The following SV2C variants were observed in gnomAD, a reference collection of about 807,000 sequenced individuals.
SV2C encodes synaptic vesicle glycoprotein 2C.
A neutral mutation model predicts 79.7 loss-of-function variants in SV2C; 49 were observed. The observed-to-expected ratio is 0.61, with a 90% CI of 0.49 to 0.78. The LOEUF (loss-of-function observed/expected upper bound fraction) is 0.78. Ranked by LOEUF, SV2C falls within the 30% of genes least tolerant of loss-of-function variation. SV2C has a pLI of 0.00. For missense variants in SV2C, 833 were observed against 912.9 expected, an observed-to-expected ratio of 0.91 and a Z score of 1.13; for synonymous variants, 334 against 333.2, an observed-to-expected ratio of 1.00 and a Z score of -0.03.
At chr5:76,082,559 C>T (rs1747027098), upstream of SV2C, among the ~76,000 whole-genome samples, 1 of 141,334 alleles carries the variant, frequency 7.1e-6, no homozygotes, top group Non-Finnish European at 1.5e-5. Context: ...CCTCCTCCTC[C>T]TTTCTTTCTT....
the SV2C span, among the ~76,000 whole-genome samples, chr5:75,909,197 A>G: frequency 1.3e-5 from 2 of 152,194 alleles, no homozygotes. Flanking sequence ...GCACAGCAAA[A>G]TGTGGCCAAA....
rs542058066 is a variant in SV2C, at chr5:76,325,933, T to A, written c.*386T>A. 2.9e-4 allele frequency: 48 copies of A among 165,084 alleles called. No homozygotes were observed. The highest frequency in any genetic ancestry group is 1.1e-3 in the Admixed American group (17 of 16,186). 10.2% of individuals were successfully genotyped at this position (165,084 alleles called of 1,614,324 possible). ...CTCCTAATTTAACATTAACAGGAAA[T>A]ATAAGTCGGCACATTATTGCATTTG... On this transcript the variant is annotated 3_prime_UTR_variant, in exon 13 of 13. Transcript: ENST00000502798.
intron 2 of SV2C, among the ~76,000 whole-genome samples, chr5:76,186,148 C>T (rs1743909473): frequency 6.6e-6 from 1 of 152,188 alleles, no homozygotes; most frequent in African/African-American, 2.4e-5. Context: ...ACTTCGTTGT[C>T]CATATCACTA....
At chr5:76,063,604 C>A in the SV2C span, among the ~76,000 whole-genome samples, 2 of 152,136 alleles carry the variant, frequency 1.3e-5, no homozygotes, top group African/African-American at 4.8e-5. Context: ...GGCTTTTACT[C>A]CTGAGCCTAT....
At chr5:76,208,513 G>A (rs1032730394) in intron 3 of SV2C, among the ~76,000 whole-genome samples, 8 of 152,080 alleles carry the variant, frequency 5.3e-5, no homozygotes, top group Non-Finnish European at 1.0e-4. Flanking sequence ...TAAATCCCGT[G>A]GTTTATTTGG....
At chr5:76,261,318 T>C (rs544887233) in intron 4 of SV2C, among the ~76,000 whole-genome samples, 62 of 152,264 alleles carry the variant, frequency 4.1e-4, no homozygotes, top group African/African-American at 1.5e-3. Context: ...GCTGAAGTCA[T>C]TTATCAGCTT....
At chr5:76,318,594 G>A (rs1045587447) in intron 12 of SV2C, among the ~76,000 whole-genome samples, 1 of 152,228 alleles carries the variant, frequency 6.6e-6, no homozygotes, top group Non-Finnish European at 1.5e-5. Context: ...ATGTGTCTCA[G>A]ACCAAGGAAG....
At position 76,273,166 on chromosome 5, in the gene SV2C, TATATAC is replaced by T. The variant is rs1561293479; in HGVS notation, c.914-11994_914-11989del. Among the ~76,000 whole-genome samples the T allele has an allele frequency of 3.1e-3, 379 of 120,928 alleles. 3 individuals carry two copies. Among genetic ancestry groups the T allele is most frequent in the African/African-American group, 0.011 (360 of 31,766 alleles). 79.3% of individuals were successfully genotyped at this position (120,928 alleles called of 152,430 possible). ...AAAAAGATATATATATATATATATA[TATATAC>T]ACACATATATATATTTTTAACTTCA... On this transcript the variant is annotated intron_variant, in intron 4 of 12. Coordinates refer to ENST00000502798, the MANE Select transcript of SV2C (RefSeq NM_014979.4).
chr5:76,173,481 T>C, intron 2 of SV2C: 1 of 817,726 alleles, frequency 1.2e-6, no homozygotes, highest in Non-Finnish European at 2.2e-6. Flanking sequence ...CAAACTGATA[T>C]AGTAGCTTTC....
the SV2C span, among the ~76,000 whole-genome samples, chr5:75,992,236 C>T: frequency 7.2e-5 from 11 of 151,944 alleles, no homozygotes; most frequent in African/African-American, 2.7e-4. Flanking sequence ...CAAGAAGGCT[C>T]TGTTGATATG....
the SV2C span, among the ~76,000 whole-genome samples, chr5:76,009,369 T>G: frequency 6.6e-6 from 1 of 152,148 alleles, no homozygotes; most frequent in Non-Finnish European, 1.5e-5. Flanking sequence ...TCAAAGAACT[T>G]AAAACAGAAT....
chr5:76,239,075 A>G (rs571795178), intron 4 of SV2C, among the ~76,000 whole-genome samples: 1 of 149,590 alleles, frequency 6.7e-6, no homozygotes, highest in East Asian at 1.9e-4. Context: ...ATCCTAGGGA[A>G]TAAATAGTCT....
rs762793374 is a variant in SV2C, at chr5:76,131,788, A to C, written c.38A>C (p.Lys13Thr). The C allele has an allele frequency of 6.2e-6, 10 of 1,613,556 alleles. No homozygotes were observed. In the South Asian group the frequency reaches 1.1e-4, roughly 18 times the overall value. ...TACAAGGATAGGACTTCACTGATGA[A>C]GGGTGCCAAGGACATTGCCAGAGAG... is the stretch of plus-strand genomic sequence containing the variant. The part of the protein sequence containing the change: ...DSYKDRTSLM[K>T]GAKDIAREVK... The change falls in exon 2 of 13, where the codon AAG becomes ACG. Residue 13 changes from lysine (K) to threonine (T), a missense_variant. Physicochemically the swap from Lys to Thr is moderately conservative, Grantham distance 78. Transcript: ENST00000502798.
chr5:76,323,101 A>G (rs2972855), intron 12 of SV2C, among the ~76,000 whole-genome samples: 1 of 152,012 alleles, frequency 6.6e-6, no homozygotes, highest in Admixed American at 6.5e-5. Context: ...AAACAGGCAA[A>G]CTACAGAATG....
intron 3 of SV2C, among the ~76,000 whole-genome samples, chr5:76,199,807 G>GA (rs1744379979): frequency 6.6e-6 from 1 of 152,234 alleles, no homozygotes; most frequent in South Asian, 2.1e-4. Flanking sequence ...ACTAGTGAAT[G>GA]AAAATCTAAC....
the SV2C span, among the ~76,000 whole-genome samples, chr5:75,997,571 C>T: frequency 3.3e-5 from 5 of 152,134 alleles, no homozygotes; most frequent in African/African-American, 9.7e-5. Context: ...ATTTATGCAA[C>T]CAAAACACAC....
At chr5:76,230,736 C>T (rs1745389305) in intron 4 of SV2C, among the ~76,000 whole-genome samples, 1 of 151,526 alleles carries the variant, frequency 6.6e-6, no homozygotes, top group Non-Finnish European at 1.5e-5. Context: ...TTGCAGTGAG[C>T]CAAGATTGCA....
intron 4 of SV2C, among the ~76,000 whole-genome samples, chr5:76,258,094 G>A (rs1158794873): frequency 6.7e-6 from 1 of 148,868 alleles, no homozygotes; most frequent in Non-Finnish European, 1.5e-5. Context: ...TATGTGGTGT[G>A]TGTGAAGTGT....
At chr5:76,165,942 A>G (rs79468919) in intron 2 of SV2C, among the ~76,000 whole-genome samples, 6,878 of 152,220 alleles carry the variant, frequency 0.045, 217 homozygotes, top group Non-Finnish European at 0.066. Flanking sequence ...GAGAGTGAGA[A>G]CTGCAGCAGA....
Sources: allele counts gnomAD v4.1 joint callset (sites outside exome capture counted in the v4.1 genomes callset), GRCh38; gene constraint gnomAD v4.1.1; transcripts MANE v1.5; gene names NCBI Gene and HGNC (gene_info 2026-07-23, HGNC 2026-07-21).